Variants in OR2AP1 observed in about 807,000 individuals in gnomAD.
OR2AP1 encodes olfactory receptor 2AP1.
Under a neutral mutation model 13.9 loss-of-function variants are expected in OR2AP1, and 20 were observed. The observed-to-expected ratio is 1.44, with a 90% confidence interval of 1.01 to 2.09. OR2AP1 has a LOEUF of 2.09. Ranked by LOEUF, OR2AP1 falls within the 30% of genes most tolerant of loss-of-function variation. The pLI, the probability that OR2AP1 is intolerant of heterozygous loss-of-function variation, is 0.00. For synonymous variants in OR2AP1, 174 were observed against 137.0 expected (o/e 1.27, Z -1.89); for missense variants, 490 against 360.6 (o/e 1.36, Z -2.91).
intron 1 of OR2AP1, among the ~76,000 whole-genome samples, chr12:55,573,245 G>C (rs1874466237): frequency 6.6e-6 from 1 of 151,938 alleles, no homozygotes; most frequent in African/African-American, 2.4e-5. Flanking sequence ...TTTTAAGTGA[G>C]ATCTATATGT....
chr12:55,574,361 T>C lies in OR2AP1; in HGVS notation c.-54T>C. ...TCATTTCAGAGCACCTCTTCCTTTC[T>C]CACTTTTGATTACTACTCTCTTTTT... On this transcript the variant is annotated 5_prime_UTR_variant, in exon 2 of 2. Transcript: ENST00000641114. 4.4e-6 allele frequency: 4 copies of C among 911,640 alleles called. No individual in the cohort carries two copies. Among genetic ancestry groups the C allele is most frequent in the Non-Finnish European group, 6.5e-6 (4 of 614,030 alleles). 56.5% of individuals were successfully genotyped at this position (911,640 alleles called of 1,614,324 possible).
At chr12:55,573,663 T>A (rs1413964067) in intron 1 of OR2AP1, among the ~76,000 whole-genome samples, 4 of 152,180 alleles carry the variant, frequency 2.6e-5, no homozygotes, top group Admixed American at 1.3e-4. Flanking sequence ...TAATAGAATC[T>A]CCCTATCCTT....
intron 1 of OR2AP1, among the ~76,000 whole-genome samples, chr12:55,573,960 A>G (rs938501841): frequency 6.6e-6 from 1 of 152,180 alleles, no homozygotes; most frequent in African/African-American, 2.4e-5. Flanking sequence ...AAGGTAGGGA[A>G]GAGTAAGAAA....
At chr12:55,572,890 G>T (rs1455530602) in intron 1 of OR2AP1, among the ~76,000 whole-genome samples, 2 of 152,122 alleles carry the variant, frequency 1.3e-5, no homozygotes, top group Non-Finnish European at 2.9e-5. Flanking sequence ...TTTATCACAT[G>T]GGTCAGGTAC....
chr12:55,575,032 G>T lies in OR2AP1; in HGVS notation c.618G>T (p.Val206=), dbSNP rs184796258. ...VVFLVASVTL[V]VTLVLVILSY... Reference sequence around the variant, plus strand: ...TTCTTGTGGCATCTGTGACCCTGGTGGTCACTCTGGTGCTAGTGATTCTCT... The same window carrying T: ...TTCTTGTGGCATCTGTGACCCTGGTTGTCACTCTGGTGCTAGTGATTCTCT... The change falls in exon 2 of 2, where the codon GTG becomes GTT. Residue 206 remains valine (V), a synonymous_variant. Transcript: ENST00000641114. 1 of 1,538,578 alleles carries T rather than the reference G, an allele frequency of 6.5e-7. No homozygotes were observed. The highest frequency in any genetic ancestry group is 2.4e-5 in the East Asian group (1 of 40,974).
Position 55,575,104 on chromosome 12 carries a change from A to G in OR2AP1, c.690A>G (p.Gln230=), listed in dbSNP as rs1168545483. Residue 230 remains glutamine, a synonymous_variant, in exon 2 of 2, where the codon CAA becomes CAG. Transcript: ENST00000641114. ...CTATTCTGAAGCTCCCCTCTGCCCA[A>G]CAAAGGACAAAAGCCTTTTCCACAT... is the stretch of plus-strand genomic sequence containing the variant. ...IKTILKLPSA[Q]QRTKAFSTCS... is the part of the protein sequence containing the mutation. 1 of 1,582,404 alleles carries G rather than the reference A, an allele frequency of 6.3e-7. No individual in the cohort carries two copies. Among genetic ancestry groups the G allele is most frequent in the Admixed American group, 1.7e-5 (1 of 57,356 alleles).
rs1420096205 is a variant in OR2AP1, at chr12:55,575,331, T to C, written c.917T>C (p.Leu306Pro). 1.3e-6 allele frequency: 2 copies of C among 1,496,752 alleles called. No homozygotes were observed. Among genetic ancestry groups the C allele is most frequent in the East Asian group, 2.5e-5 (1 of 40,422 alleles). The allele number at this position is 1,496,752 out of a possible 1,614,324, so 92.7% of individuals were successfully genotyped here. A position where few individuals can be genotyped will look rare whatever the true frequency, so the allele number is the denominator to read the frequency against. ...CCCTTCAAGGATATGGTCAAAAAGCTTCTGAATCTTTAAAGAATTTAAGAA... is the reference window on the plus strand; with the variant it reads ...CCCTTCAAGGATATGGTCAAAAAGCCTCTGAATCTTTAAAGAATTTAAGAA... Reference protein sequence around the residue: ...KQPFKDMVKKLLNL With the variant: ...KQPFKDMVKKPLNL Residue 306 changes from leucine (L) to proline (P), a missense_variant, in exon 2 of 2, where the codon CTT (leucine) becomes CCT (proline). Leu to Pro is a moderately conservative substitution (Grantham distance 98, BLOSUM62 -3). Coordinates refer to ENST00000641114, the MANE Select transcript of OR2AP1 (RefSeq NM_001258285.2).
chr12:55,574,145 G>T, intron 1 of OR2AP1, 75 bp from the exon 2 acceptor site: 1 of 346,684 alleles, frequency 2.9e-6, no homozygotes, highest in East Asian at 4.6e-5. Flanking sequence ...TCATTTATGA[G>T]GCAGACACTT....
At position 55,575,287 on chromosome 12, in the gene OR2AP1, G is replaced by T; in HGVS notation, c.873G>T (p.Arg291Ser). ...TGAACCCCTTTATTTACACCCTAAG[G>T]AACCAACAGGTAAAACAACCCTTCA... ...PLLNPFIYTLRNQQVKQPFKD... is the reference protein window; with the variant it reads ...PLLNPFIYTLSNQQVKQPFKD... The change falls in exon 2 of 2, where the codon AGG (arginine) becomes AGT (serine). Residue 291 changes from arginine (R) to serine (S), a missense_variant. Transcript: ENST00000641114. The T allele has an allele frequency of 6.5e-7, 1 of 1,535,440 alleles. No individual in the cohort carries two copies. Among genetic ancestry groups the T allele is most frequent in the Non-Finnish European group, 8.7e-7 (1 of 1,144,446 alleles).
Position 55,574,443 on chromosome 12 carries a change from T to G in OR2AP1, c.29T>G (p.Phe10Cys). 6.5e-7 allele frequency: 1 copy of G among 1,531,884 alleles called. No homozygotes were observed. The highest frequency in any genetic ancestry group is 1.4e-5 in the African/African-American group (1 of 72,866). 94.9% of individuals were successfully genotyped at this position (1,531,884 alleles called of 1,614,324 possible). The change falls in exon 2 of 2, where the codon TTT (phenylalanine) becomes TGT (cysteine). Residue 10 changes from phenylalanine to cysteine, a missense_variant. Phe to Cys is a radical substitution (Grantham distance 205). Coordinates refer to ENST00000641114, the MANE Select transcript of OR2AP1 (RefSeq NM_001258285.2). The part of the protein sequence containing the change: MKNKTVLTE[F>C]ILLGLTDVPE... ...AAAAATAAAACCGTGTTAACTGAGT[T>G]TATCCTTCTGGGTCTAACAGATGTC...
chr12:55,574,770 A>G lies in OR2AP1; in HGVS notation c.356A>G (p.Asp119Gly), dbSNP rs1205208916. Residue 119 changes from aspartate (D) to glycine (G), a missense_variant, in exon 2 of 2, where the codon GAC (aspartate) becomes GGC (glycine). Physicochemically the swap from Asp to Gly is moderately conservative, Grantham distance 94 (BLOSUM62 -1). Coordinates refer to ENST00000641114, the MANE Select transcript of OR2AP1 (RefSeq NM_001258285.2). Reference sequence around the variant, plus strand: ...TACCTTCTGGCTGCCATGTCCTATGACCGCTATGTGGCCATCTGCAAACCT... The same window carrying G: ...TACCTTCTGGCTGCCATGTCCTATGGCCGCTATGTGGCCATCTGCAAACCT... ...EFYLLAAMSY[D>G]RYVAICKPLH... The G allele has an allele frequency of 4.4e-6, 7 of 1,606,084 alleles. No individual in the cohort carries two copies. Among genetic ancestry groups the G allele is most frequent in the Non-Finnish European group, 6.0e-6 (7 of 1,176,170 alleles).
chr12:55,574,362 C>A lies in OR2AP1; in HGVS notation c.-53C>A. ...CATTTCAGAGCACCTCTTCCTTTCT[C>A]ACTTTTGATTACTACTCTCTTTTTC... On this transcript the variant is annotated 5_prime_UTR_variant, in exon 2 of 2. Transcript: ENST00000641114. The A allele has an allele frequency of 4.3e-6, 4 of 920,524 alleles. No homozygotes were observed. Among genetic ancestry groups the A allele is most frequent in the Non-Finnish European group, 6.4e-6 (4 of 622,032 alleles). The allele number at this position is 920,524 out of a possible 1,614,324, so 57.0% of individuals were successfully genotyped here. A position where few individuals can be genotyped will look rare whatever the true frequency, so the allele number is the denominator to read the frequency against.
rs1362568560 is a variant in OR2AP1, at chr12:55,574,213, T to C, written c.-195-7T>C. 1 of 555,852 alleles carries C rather than the reference T, an allele frequency of 1.8e-6. No homozygotes were observed. The highest frequency in any genetic ancestry group is 3.2e-6 in the Non-Finnish European group (1 of 316,536). The allele number at this position is 555,852 out of a possible 1,614,324, so 34.4% of individuals were successfully genotyped here. On this transcript the variant is annotated splice_region_variant and splice_polypyrimidine_tract_variant and intron_variant, in intron 1 of 1. Transcript: ENST00000641114. ...GGAAACATAATGACAAGAACTTTCCTCCATAGGGCAAATGGGACTGGGAAG... is the reference window on the plus strand; with the variant it reads ...GGAAACATAATGACAAGAACTTTCCCCCATAGGGCAAATGGGACTGGGAAG...
rs1180764529 is a variant in OR2AP1, at chr12:55,574,928, C to T, written c.514C>T (p.Leu172=). The T allele has an allele frequency of 4.5e-6, 7 of 1,538,784 alleles. No individual in the cohort carries two copies. The Admixed American group carries it at 1.4e-4, about 30-fold the overall frequency. The change falls in exon 2 of 2, where the codon CTG becomes TTG. Residue 172 remains leucine, a synonymous_variant. Transcript: ENST00000641114. ...GCAGGACTTTTGTGCATCCAACAGACTGAATCATTACTTCTGTGACTATGA... is the reference window on the plus strand; with the variant it reads ...GCAGGACTTTTGTGCATCCAACAGATTGAATCATTACTTCTGTGACTATGA... ...SQQDFCASNR[L]NHYFCDYEPL...
chr12:55,575,441 T>C lies in OR2AP1; in HGVS notation c.*97T>C. On this transcript the variant is annotated 3_prime_UTR_variant, in exon 2 of 2. Coordinates refer to ENST00000641114, the MANE Select transcript of OR2AP1 (RefSeq NM_001258285.2). ...AATGATAGACTGGATTAAGAAAATA[T>C]GGCACATATACACCATGGAATACTA... The C allele has an allele frequency of 3.0e-6, 2 of 655,874 alleles. No homozygotes were observed. The highest frequency in any genetic ancestry group is 2.0e-5 in the South Asian group (1 of 50,264). The allele number at this position is 655,874 out of a possible 1,614,324, so 40.6% of individuals were successfully genotyped here.
Position 55,574,608 on chromosome 12 carries a change from CCTT to C in OR2AP1, c.198_200del (p.Phe66del), listed in dbSNP as rs1565727464. 1.1e-5 allele frequency: 17 copies of C among 1,541,078 alleles called. No homozygotes were observed. Among genetic ancestry groups the C allele is most frequent in the Non-Finnish European group, 1.4e-5 (16 of 1,148,310 alleles). ...ATGTATTTCTTTCTCCGGAACTTCT[CCTT>C]CTTGGAAATTTCCTTCACAAACATC... On this transcript the variant is annotated inframe_deletion, in exon 2 of 2. Transcript: ENST00000641114.
chr12:55,575,473 C>A lies in OR2AP1; in HGVS notation c.*129C>A. ...TATACACCATGGAATACTATGCAGC[C>A]ATTAAAAATGATGAGTTGATGTCCT... On this transcript the variant is annotated 3_prime_UTR_variant, in exon 2 of 2. Coordinates refer to ENST00000641114, the MANE Select transcript of OR2AP1 (RefSeq NM_001258285.2). The A allele has an allele frequency of 1.7e-6, 1 of 576,918 alleles. No individual in the cohort carries two copies. Among genetic ancestry groups the A allele is most frequent in the East Asian group, 2.9e-5 (1 of 34,334 alleles). The allele number at this position is 576,918 out of a possible 1,614,324, so 35.7% of individuals were successfully genotyped here. A position where few individuals can be genotyped will look rare whatever the true frequency, so the allele number is the denominator to read the frequency against.
At chr12:55,572,933 G>A (rs1442520844) in intron 1 of OR2AP1, among the ~76,000 whole-genome samples, 2 of 152,110 alleles carry the variant, frequency 1.3e-5, no homozygotes, top group Non-Finnish European at 2.9e-5. Flanking sequence ...AGCACTTTGG[G>A]AGGCCAAAGT....
chr12:55,573,122 G>A (rs2135879823), intron 1 of OR2AP1, among the ~76,000 whole-genome samples: 1 of 152,218 alleles, frequency 6.6e-6, no homozygotes, highest in Non-Finnish European at 1.5e-5. Context: ...AGGCTGAAGT[G>A]AGTCATGATC....
Sources: gnomAD v4.1 joint callset for allele counts (sites outside exome capture counted in the v4.1 genomes callset) on GRCh38, gnomAD v4.1.1 for gene constraint, MANE v1.5 for transcripts, NCBI Gene and HGNC (gene_info 2026-07-23, HGNC 2026-07-21) for gene names.